The following EPS8L2 variants were observed in gnomAD, a reference collection of about 807,000 sequenced individuals.
EPS8L2 encodes the protein EPS8 signaling adaptor L2.
In EPS8L2, 81 loss-of-function variants were observed where a neutral mutation model predicts 99.4. The observed-to-expected ratio is 0.82, with a 90% CI of 0.68 to 0.98. The LOEUF is 0.98. Ranked by LOEUF, EPS8L2 falls within the 50% of genes least tolerant of loss-of-function variation. The probability of loss-of-function intolerance (pLI) is 0.00; values close to 1 mark genes in which losing one functional copy is unlikely to be tolerated. For synonymous variants in EPS8L2, 509 were observed against 407.3 expected (o/e 1.25, Z -3.01); for missense variants, 1,155 against 968.8 (o/e 1.19, Z -2.55).
chr11:726,975 C>T lies in EPS8L2; in HGVS notation c.2142C>T (p.Asp714=), dbSNP rs764456761. The part of the protein sequence containing the change: ...FHSMNQRRGE[D]S ...CCATGAATCAGAGGAGGGGGGAGGA[C>T]AGCTAGGCCCAGCTGCCTTGGGCTG... The change falls in exon 21 of 21, where the codon GAC becomes GAT. Residue 714 remains aspartate (D), a synonymous_variant. Coordinates refer to ENST00000318562, the MANE Select transcript of EPS8L2 (RefSeq NM_022772.4). 6.2e-7 allele frequency: 1 copy of T among 1,611,766 alleles called. No homozygotes were observed. Among genetic ancestry groups the T allele is most frequent in the East Asian group, 2.2e-5 (1 of 44,864 alleles).
At chr11:717,645 C>T (rs1425775523) in intron 4 of EPS8L2, among the ~76,000 whole-genome samples, 1 of 150,978 alleles carries the variant, frequency 6.6e-6, no homozygotes, top group African/African-American at 2.4e-5. Context: ...TTGGGAGGCA[C>T]AGGCAGGAGG....
chr11:725,018 G>A (rs1038801905), intron 16 of EPS8L2, among the ~76,000 whole-genome samples, 189 bp downstream of exon 16: 2 of 152,248 alleles, frequency 1.3e-5, no homozygotes, highest in Non-Finnish European at 2.9e-5. Flanking sequence ...TGTTGGAGGG[G>A]CCTTCCCATC....
intron 3 of EPS8L2, 138 bp downstream of exon 3, chr11:709,746 G>A (rs976816478): frequency 4.1e-6 from 4 of 984,074 alleles, no homozygotes; most frequent in Non-Finnish European, 4.6e-6. Flanking sequence ...GAGGCCTCTG[G>A]ACCCTAATCA....
At chr11:720,776 G>GGCCCCGCCGCGCCGC (rs1554951974) in intron 6 of EPS8L2, 30 bp downstream of exon 6, 3 of 1,532,806 alleles carry the variant, frequency 2.0e-6, no homozygotes, top group Non-Finnish European at 1.8e-6. Flanking sequence ...GGCAGGGTGG[G>GGCCCCGCCGCGCCGC]GCCCCGCCGC....
rs1363086561 is a variant in EPS8L2 at position 726,498 on chromosome 11, G to T, written c.1934+14G>T. On this transcript the variant is annotated intron_variant, in intron 19 of 20. Transcript: ENST00000318562. ...CTTCAGCCCGCGGTGAGCGGGGGCG[G>T]GGGATGAGCTGGGGCCCGGGCGAGG... 22 of 1,542,832 alleles carry T rather than the reference G, an allele frequency of 1.4e-5. No individual in the cohort carries two copies. Among genetic ancestry groups the T allele is most frequent in the Non-Finnish European group, 1.9e-5 (22 of 1,143,704 alleles).
At chr11:723,377 A>T in intron 15 of EPS8L2, 24 bp downstream of exon 15, 1 of 1,113,160 alleles carries the variant, frequency 9.0e-7, no homozygotes, top group Non-Finnish European at 1.3e-6. Context: ...AAAGTGAGGG[A>T]GCATGAAAGT....
At chr11:726,073 G>A in intron 17 of EPS8L2, 25 bp from the exon 18 acceptor site, 4 of 1,494,942 alleles carry the variant, frequency 2.7e-6, no homozygotes, top group Non-Finnish European at 3.7e-6. Context: ...GGCGTGGGGA[G>A]CCTAATCGCC....
At chr11:715,324 G>A (rs1344309280) in intron 4 of EPS8L2, among the ~76,000 whole-genome samples, 2 of 152,084 alleles carry the variant, frequency 1.3e-5, no homozygotes, top group Non-Finnish European at 2.9e-5. Context: ...TGCCCTCGGA[G>A]CACAGGATTT....
At chr11:720,963 CAGGGGAGGGGAGGAGCCGGCAGGGG>C in intron 7 of EPS8L2, 54 bp downstream of exon 7, 1 of 1,204,840 alleles carries the variant, frequency 8.3e-7, no homozygotes, top group Middle Eastern at 2.7e-4. Flanking sequence ...AGGAGCCCGG[CAGGGGAGGGGAGGAGCCGGCAGGGG>C]AGGGGAGGAG....
At chr11:709,079 C>T (rs959932057) in intron 1 of EPS8L2, 16 of 426,542 alleles carry the variant, frequency 3.8e-5, no homozygotes, top group Non-Finnish European at 6.3e-5. Flanking sequence ...GGGCCCTTGT[C>T]AGAGCCTCCC....
chr11:718,225 C>A (rs537991153), intron 4 of EPS8L2, among the ~76,000 whole-genome samples: 1 of 151,802 alleles, frequency 6.6e-6, no homozygotes, highest in African/African-American at 2.4e-5. Context: ...CCCACGTACT[C>A]GGGAAGCTGA....
At chr11:714,398 T>G (rs562804903) in intron 4 of EPS8L2, among the ~76,000 whole-genome samples, 1 of 151,468 alleles carries the variant, frequency 6.6e-6, no homozygotes, top group Non-Finnish European at 1.5e-5. Flanking sequence ...CCCGGCTCAT[T>G]TTTTGTATTT....
chr11:706,271 G>A lies in EPS8L2; in HGVS notation c.-96G>A, dbSNP rs1327485289. 6 of 152,096 alleles carry A rather than the reference G, an allele frequency of 3.9e-5. No homozygotes were observed. The highest frequency in any genetic ancestry group is 2.0e-4 in the Admixed American group (3 of 15,264). 9.4% of individuals were successfully genotyped at this position (152,096 alleles called of 1,614,324 possible). On this transcript the variant is annotated 5_prime_UTR_variant, in exon 1 of 21. Transcript: ENST00000318562. ...CGAGCGCCGAGGGGACAGGCCGAGC[G>A]CGGGGCGCCGGAGGCAGGTGAGCGC... is the stretch of plus-strand genomic sequence containing the variant.
At position 722,386 on chromosome 11, in the gene EPS8L2, C is replaced by T. The variant is rs765478792; in HGVS notation, c.1060-15C>T. ...CTGTGGGCCTCAGTCCCCTCTGAACCTCACTGTGCCCCAGATCGTCAACAC... is the reference window on the plus strand; with the variant it reads ...CTGTGGGCCTCAGTCCCCTCTGAACTTCACTGTGCCCCAGATCGTCAACAC... On this transcript the variant is annotated splice_polypyrimidine_tract_variant and intron_variant, in intron 12 of 20. Coordinates refer to ENST00000318562, the MANE Select transcript of EPS8L2 (RefSeq NM_022772.4). The T allele has an allele frequency of 8.1e-6, 13 of 1,611,788 alleles. No individual in the cohort carries two copies. Among genetic ancestry groups the T allele is most frequent in the Non-Finnish European group, 1.0e-5 (12 of 1,179,458 alleles).
chr11:718,933 G>A (rs1419655359), intron 4 of EPS8L2, among the ~76,000 whole-genome samples: 3 of 149,442 alleles, frequency 2.0e-5, no homozygotes, highest in East Asian at 3.9e-4. Context: ...CTCCCAAAGT[G>A]CTAGGATTAC....
At position 724,658 on chromosome 11, in the gene EPS8L2, G is replaced by A; in HGVS notation, c.1455-66G>A. Reference sequence around the variant, plus strand: ...GCACCTGGGAAGCTGCTGCCCCCCAGCCACTGCCCAGGTCTCAGAGGAGAC... The same window carrying A: ...GCACCTGGGAAGCTGCTGCCCCCCAACCACTGCCCAGGTCTCAGAGGAGAC... On this transcript the variant is annotated intron_variant, in intron 15 of 20. Transcript: ENST00000318562. The surrounding 1 kb of genome is among the most constrained non-coding windows in gnomAD (Gnocchi z 5.5). 1 of 1,149,232 alleles carries A rather than the reference G, an allele frequency of 8.7e-7. No individual in the cohort carries two copies. Among genetic ancestry groups the A allele is most frequent in the Non-Finnish European group, 1.3e-6 (1 of 760,346 alleles). 71.2% of individuals were successfully genotyped at this position (1,149,232 alleles called of 1,614,324 possible).
In EPS8L2 at chr11:720,142, C is replaced by T. The variant is rs778630600; in HGVS notation, c.246C>T (p.Ser82=). The change falls in exon 5 of 21, where the codon AGC becomes AGT. Residue 82 remains serine, a synonymous_variant. Transcript: ENST00000318562. ...CCATCCGGAAGCTGGTGCAGCTGAGCTCCAAGGAGAAGATCTGGACCCAGG... is the reference window on the plus strand; with the variant it reads ...CCATCCGGAAGCTGGTGCAGCTGAGTTCCAAGGAGAAGATCTGGACCCAGG... ...DDAIRKLVQL[S]SKEKIWTQEM... 1 of 1,613,440 alleles carries T rather than the reference C, an allele frequency of 6.2e-7. No individual in the cohort carries two copies.
chr11:712,010 G>T (rs979872144), intron 4 of EPS8L2, among the ~76,000 whole-genome samples: 8 of 150,764 alleles, frequency 5.3e-5, no homozygotes, highest in Non-Finnish European at 1.0e-4. Context: ...AAGGGACCAG[G>T]CGCGGTTGTT....
Position 706,246 on chromosome 11 carries a change from C to G in EPS8L2, c.-121C>G, listed in dbSNP as rs1319851070. The G allele has an allele frequency of 1.3e-5, 2 of 152,020 alleles. No individual in the cohort carries two copies. Among genetic ancestry groups the G allele is most frequent in the Non-Finnish European group, 2.9e-5 (2 of 67,968 alleles). The allele number at this position is 152,020 out of a possible 1,614,324, so 9.4% of individuals were successfully genotyped here. On this transcript the variant is annotated 5_prime_UTR_variant, in exon 1 of 21. Transcript: ENST00000318562. ...AGGCGCGAACAGACGGACGCACCGG[C>G]GAGCGCCGAGGGGACAGGCCGAGCG... is the stretch of plus-strand genomic sequence containing the variant.
Sources: gnomAD v4.1 joint callset for allele counts (sites outside exome capture counted in the v4.1 genomes callset) on GRCh38, gnomAD v4.1.1 for gene constraint, Gnocchi (gnomAD v3.1) non-coding constraint, MANE v1.5 for transcripts, NCBI Gene and HGNC (gene_info 2026-07-23, HGNC 2026-07-21) for gene names.